The following EFCAB6 variants were observed in gnomAD, a reference collection of about 807,000 sequenced individuals.
The protein encoded by EFCAB6 is EF-hand calcium-binding domain-containing protein 6.
EFCAB6 carries 156 observed loss-of-function variants against 169.8 expected under a neutral mutation model. The ratio of observed to expected loss-of-function variants is 0.92; its 90% CI spans 0.81 to 1.05. The LOEUF (loss-of-function observed/expected upper bound fraction) is 1.05. Ranked by LOEUF, EFCAB6 falls within the 50% of genes least tolerant of loss-of-function variation. EFCAB6 has a pLI of 0.00. For missense variants in EFCAB6, 1,800 were observed against 1,829.1 expected (o/e 0.98, Z 0.29); for synonymous variants, 698 against 676.4 (o/e 1.03, Z -0.50).
In EFCAB6 at chr22:43,540,168, G is replaced by T. The variant is rs1292012945; in HGVS notation, c.3838C>A (p.Gln1280Lys). The stretch of plus-strand genomic sequence containing the variant: ...GACTTTGACCCTGGTCTCAGCTCCT[G>T]AGTGGGCAATGAGAGGGCAGATCTG... ...GTRSALSLPT[Q>K]ELRPGSKSQS... Residue 1280 changes from glutamine (Q) to lysine (K), a missense_variant, in exon 28 of 32, where the codon CAG becomes AAG. Coordinates refer to ENST00000262726, the MANE Select transcript of EFCAB6 (RefSeq NM_022785.4). 6.2e-7 allele frequency: 1 copy of T among 1,614,188 alleles called. No homozygotes were observed.
At position 43,772,345 on chromosome 22, in the gene EFCAB6, G is replaced by T. The variant is rs143692187; in HGVS notation, c.351+547C>A. Among the ~76,000 whole-genome samples the T allele has an allele frequency of 4.2e-3, 641 of 152,250 alleles. 2 individuals carry two copies. Among genetic ancestry groups the T allele is most frequent in the Middle Eastern group, 0.027 (8 of 294 alleles). The stretch of plus-strand genomic sequence containing the variant: ...AATACATTTATATGGACCCTTAAAA[G>T]AAATGAAAAGAAGGCCGGGTGCAGT... On this transcript the variant is annotated intron_variant, in intron 4 of 31. Coordinates refer to ENST00000262726, the MANE Select transcript of EFCAB6 (RefSeq NM_022785.4).
chr22:43,774,100 A>C (rs915160413), intron 3 of EFCAB6, among the ~76,000 whole-genome samples: 1 of 152,048 alleles, frequency 6.6e-6, no homozygotes, highest in African/African-American at 2.4e-5. Context: ...ATCCTTTATA[A>C]TAATATTCAC....
At position 43,731,756 on chromosome 22, in the gene EFCAB6, A is replaced by G. The variant is rs1299513946; in HGVS notation, c.700T>C (p.Leu234=). The G allele has an allele frequency of 1.2e-6, 2 of 1,604,698 alleles. No homozygotes were observed. Among genetic ancestry groups the G allele is most frequent in the Admixed American group, 1.7e-5 (1 of 57,928 alleles). Residue 234 remains leucine, a synonymous_variant, in exon 8 of 32, where the codon TTG becomes CTG. Transcript: ENST00000262726. The part of the protein sequence containing the change: ...KDTAVDYNVF[L]KNLSINNDLN... ...TCGTTATTTATGCTGAGATTCTTCA[A>G]AAACACGTTGTAATCTACTGCAGTA... is the stretch of plus-strand genomic sequence containing the variant.
At chr22:43,793,878 ATT>A (rs1228229090) in intron 2 of EFCAB6, among the ~76,000 whole-genome samples, 1 of 152,212 alleles carries the variant, frequency 6.6e-6, no homozygotes, top group Non-Finnish European at 1.5e-5. Context: ...ATGATTTGTT[ATT>A]GTTATTAATA....
chr22:43,658,985 T>C (rs1003220107), intron 17 of EFCAB6, among the ~76,000 whole-genome samples: 1 of 152,188 alleles, frequency 6.6e-6, no homozygotes, highest in Non-Finnish European at 1.5e-5. Flanking sequence ...TGGAGAACCT[T>C]TGCTCCGTGT....
chr22:43,567,159 C>T (rs1297277654), intron 26 of EFCAB6, among the ~76,000 whole-genome samples: 1 of 151,920 alleles, frequency 6.6e-6, no homozygotes, highest in Non-Finnish European at 1.5e-5. Flanking sequence ...TCGTCCTCCC[C>T]CTCCTCCTCC....
chr22:43,808,872 C>A (rs571590920), intron 2 of EFCAB6, 123 bp downstream of exon 2: 13 of 152,176 alleles, frequency 8.5e-5, no homozygotes, highest in Non-Finnish European at 1.9e-4. Flanking sequence ...GGCAGATGCT[C>A]AATGAATAGT....
Position 43,667,153 on chromosome 22 carries a change from T to G in EFCAB6, c.1934A>C (p.Asp645Ala). The G allele has an allele frequency of 6.2e-7, 1 of 1,614,104 alleles. No individual in the cohort carries two copies. Among genetic ancestry groups the G allele is most frequent in the Non-Finnish European group, 8.5e-7 (1 of 1,179,992 alleles). The change falls in exon 17 of 32, where the codon GAC (aspartate) becomes GCC (alanine). Residue 645 changes from aspartate to alanine, a missense_variant. Coordinates refer to ENST00000262726, the MANE Select transcript of EFCAB6 (RefSeq NM_022785.4). ...QDPAFKKRFL[D>A]FSKEPNGKIN... ...TTTTCCATTAGGCTCCTTGCTGAAG[T>G]CAAGAAATCGTTTTTTGAATGCCGG...
intron 17 of EFCAB6, among the ~76,000 whole-genome samples, chr22:43,652,609 G>GGTT (rs780563361): frequency 3.9e-5 from 6 of 152,138 alleles, no homozygotes; most frequent in African/African-American, 7.2e-5. Context: ...ACTGGACTAA[G>GGTT]GTTATGAGTC....
chr22:43,709,202 C>T (rs532702525), intron 10 of EFCAB6, among the ~76,000 whole-genome samples: 2 of 152,282 alleles, frequency 1.3e-5, no homozygotes, highest in South Asian at 4.1e-4. Context: ...CTGCCTCAGC[C>T]TCCCAAATAG....
intron 2 of EFCAB6, among the ~76,000 whole-genome samples, chr22:43,786,598 TG>T (rs2062085888): frequency 6.6e-6 from 1 of 152,026 alleles, no homozygotes; most frequent in African/African-American, 2.4e-5. Flanking sequence ...GGCGGGCACC[TG>T]TAGTCCCAGC....
chr22:43,733,949 C>T (rs1035010728), intron 7 of EFCAB6, among the ~76,000 whole-genome samples: 9 of 152,106 alleles, frequency 5.9e-5, no homozygotes, highest in Admixed American at 3.9e-4. Flanking sequence ...CCTCATGATC[C>T]GCCTGCCTCA....
At chr22:43,755,646 C>G in intron 6 of EFCAB6, 120 bp downstream of exon 6, 1 of 897,400 alleles carries the variant, frequency 1.1e-6, no homozygotes, top group South Asian at 1.9e-5. Context: ...AGTCAGACAA[C>G]TATGACATGA....
intron 24 of EFCAB6, among the ~76,000 whole-genome samples, chr22:43,585,849 GA>G (rs2051030358): frequency 6.6e-6 from 1 of 152,160 alleles, no homozygotes; most frequent in Admixed American, 6.5e-5. Flanking sequence ...ATGCAACCAA[GA>G]GGAGAGTGGA....
At chr22:43,808,051 G>T (rs1274541039) in intron 2 of EFCAB6, among the ~76,000 whole-genome samples, 1 of 152,170 alleles carries the variant, frequency 6.6e-6, no homozygotes, top group African/African-American at 2.4e-5. Flanking sequence ...CATATCCATG[G>T]GTTCCACATC....
chr22:43,779,986 T>C (rs2061763200), intron 3 of EFCAB6, among the ~76,000 whole-genome samples: 1 of 152,072 alleles, frequency 6.6e-6, no homozygotes, highest in African/African-American at 2.4e-5. Context: ...CCTGGTAAAC[T>C]TGAGAAAAAA....
In EFCAB6 at chr22:43,552,284, T is replaced by C. The variant is rs560502699; in HGVS notation, c.3648+2585A>G. On this transcript the variant is annotated intron_variant, in intron 27 of 31. Transcript: ENST00000262726. ...TACATACGTGTGTGTATCTTTATAATAGAATGATTTATATTCCTTGGGGCA... is the reference window on the plus strand; with the variant it reads ...TACATACGTGTGTGTATCTTTATAACAGAATGATTTATATTCCTTGGGGCA... The C allele has an allele frequency of 5.3e-5, 8 of 152,344 alleles. No individual in the cohort carries two copies. The South Asian group carries it at 6.2e-4, about 12-fold the overall frequency. 9.4% of individuals were successfully genotyped at this position (152,344 alleles called of 1,614,324 possible).
intron 27 of EFCAB6, among the ~76,000 whole-genome samples, chr22:43,542,262 G>A (rs2047777593): frequency 6.6e-6 from 1 of 152,198 alleles, no homozygotes; most frequent in South Asian, 2.1e-4. Flanking sequence ...AGGGTGGCTG[G>A]GGCTGGCCAA....
intron 26 of EFCAB6, among the ~76,000 whole-genome samples, chr22:43,555,537 C>T (rs1049737268): frequency 2.0e-5 from 3 of 152,236 alleles, no homozygotes; most frequent in African/African-American, 7.2e-5. Flanking sequence ...TGATTACTCA[C>T]AGTGGTCAAC....
Sources: allele counts gnomAD v4.1 joint callset (sites outside exome capture counted in the v4.1 genomes callset), GRCh38; gene constraint gnomAD v4.1.1; transcripts MANE v1.5; gene names NCBI Gene and HGNC (gene_info 2026-07-23, HGNC 2026-07-21).